Variants in CSMD1 observed in about 807,000 individuals in gnomAD.
The protein encoded by CSMD1 is CUB and sushi domain-containing protein 1.
A neutral mutation model predicts 417.5 loss-of-function variants in CSMD1; 213 were observed. The ratio of observed to expected loss-of-function variants is 0.51; its 90% CI spans 0.46 to 0.57. The LOEUF (loss-of-function observed/expected upper bound fraction) is 0.57, where lower values mean the gene tolerates loss of function less well. Among genes scored for constraint, CSMD1 ranks in the 20% least tolerant of loss-of-function variants. The pLI, the probability that CSMD1 is intolerant of heterozygous loss-of-function variation, is 0.00. For synonymous variants in CSMD1, 2,862 were observed against 1,736.8 expected, an observed-to-expected ratio of 1.65 and a Z score of -16.11; for missense variants, 6,923 against 4,529.7, an observed-to-expected ratio of 1.53 and a Z score of -15.17.
intron 2 of CSMD1, among the ~76,000 whole-genome samples, chr8:4,510,137 A>T (rs1023822568): frequency 2.0e-4 from 31 of 151,908 alleles, no homozygotes; most frequent in African/African-American, 7.3e-4. Context: ...TCTCCTTCAC[A>T]CGCTCCCTTT....
chr8:4,701,363 T>C (rs1020433821), intron 1 of CSMD1, among the ~76,000 whole-genome samples: 1 of 151,978 alleles, frequency 6.6e-6, no homozygotes, highest in Admixed American at 6.6e-5. Flanking sequence ...CTCCTTTGTT[T>C]ATCTTGCCAG....
intron 5 of CSMD1, among the ~76,000 whole-genome samples, chr8:3,775,542 C>G (rs1798848016): frequency 6.6e-6 from 1 of 152,112 alleles, no homozygotes; most frequent in Admixed American, 6.5e-5. Flanking sequence ...GCAGGGAGAA[C>G]TTTTACAAGA....
At chr8:3,924,792 G>C (rs531948171) in intron 5 of CSMD1, among the ~76,000 whole-genome samples, 5 of 151,710 alleles carry the variant, frequency 3.3e-5, no homozygotes, top group Admixed American at 6.6e-5. Flanking sequence ...CTCTCTATTC[G>C]TGTTATCCTG....
chr8:4,541,715 A>G (rs1797396741), intron 2 of CSMD1, among the ~76,000 whole-genome samples: 1 of 152,138 alleles, frequency 6.6e-6, no homozygotes, highest in South Asian at 2.1e-4. Context: ...AGCCTGGGTG[A>G]CAGAGTGAGA....
At chr8:3,396,753 T>A (rs1171444455) in intron 16 of CSMD1, among the ~76,000 whole-genome samples, 1 of 152,128 alleles carries the variant, frequency 6.6e-6, no homozygotes, top group Non-Finnish European at 1.5e-5. Flanking sequence ...TTATATATTT[T>A]TAAACTATTT....
chr8:3,374,655 G>T (rs983641820), intron 18 of CSMD1, among the ~76,000 whole-genome samples: 1 of 152,080 alleles, frequency 6.6e-6, no homozygotes, highest in African/African-American at 2.4e-5. Context: ...ATACAAGGTC[G>T]GAGGAAATGC....
At chr8:4,828,893 C>A (rs776815848) in intron 1 of CSMD1, among the ~76,000 whole-genome samples, 1 of 152,076 alleles carries the variant, frequency 6.6e-6, no homozygotes, top group South Asian at 2.1e-4. Context: ...TCCACATCCT[C>A]GTCCCAGTAC....
intron 2 of CSMD1, among the ~76,000 whole-genome samples, chr8:4,589,029 C>T (rs1799853965): frequency 6.6e-6 from 1 of 151,924 alleles, no homozygotes; most frequent in Non-Finnish European, 1.5e-5. Flanking sequence ...ACAACGTGTA[C>T]TACATGCACA....
intron 5 of CSMD1, among the ~76,000 whole-genome samples, chr8:3,905,829 C>A (rs781672197): frequency 6.6e-6 from 1 of 152,176 alleles, no homozygotes; most frequent in African/African-American, 2.4e-5. Flanking sequence ...ACATCTGGGC[C>A]TGGCATTCTA....
At chr8:4,723,218 C>T (rs138610606) in intron 1 of CSMD1, among the ~76,000 whole-genome samples, 1 of 152,200 alleles carries the variant, frequency 6.6e-6, no homozygotes, top group African/African-American at 2.4e-5. Flanking sequence ...ATAACGTAGA[C>T]GGCTCCTTTT....
At position 4,861,922 on chromosome 8, in the gene CSMD1, A is replaced by G. The variant is rs371018447; in HGVS notation, c.85+132410T>C. ...GAAGAACTTTCCACTTATTATACTTACATTTCAAAACGGGGATGCAACAAA... is the reference window on the plus strand; with the variant it reads ...GAAGAACTTTCCACTTATTATACTTGCATTTCAAAACGGGGATGCAACAAA... On this transcript the variant is annotated intron_variant, in intron 1 of 69. Transcript: ENST00000635120. Among the ~76,000 whole-genome samples, 4 of 152,128 alleles carry G rather than the reference A, an allele frequency of 2.6e-5. No homozygotes were observed. In the South Asian group the frequency reaches 6.2e-4, roughly 24 times the overall value.
intron 3 of CSMD1, among the ~76,000 whole-genome samples, chr8:4,364,308 T>C (rs1801944421): frequency 1.3e-5 from 2 of 152,210 alleles, no homozygotes; most frequent in Admixed American, 1.3e-4. Flanking sequence ...ATTAAGGTCC[T>C]CTTGATAAGA....
At chr8:4,651,543 C>A (rs1430781289) in intron 1 of CSMD1, among the ~76,000 whole-genome samples, 1 of 152,300 alleles carries the variant, frequency 6.6e-6, no homozygotes, top group East Asian at 1.9e-4. Flanking sequence ...TAATCAGAGT[C>A]ATAATTTACT....
chr8:4,062,379 G>C (rs1396031660), intron 3 of CSMD1, among the ~76,000 whole-genome samples: 12 of 151,982 alleles, frequency 7.9e-5, no homozygotes, highest in Non-Finnish European at 1.6e-4. Flanking sequence ...TTTTTCTCAA[G>C]CAATAAGAGG....
chr8:4,270,908 C>T (rs1204323833), intron 3 of CSMD1, among the ~76,000 whole-genome samples: 1 of 152,144 alleles, frequency 6.6e-6, no homozygotes, highest in African/African-American at 2.4e-5. Flanking sequence ...ACTCAAGGTG[C>T]TGATCGCTGT....
intron 2 of CSMD1, among the ~76,000 whole-genome samples, chr8:4,517,592 T>C (rs1392681923): frequency 2.0e-5 from 3 of 152,188 alleles, no homozygotes; most frequent in Non-Finnish European, 4.4e-5. Flanking sequence ...ATACCAAATA[T>C]GTATAATGTA....
chr8:4,022,119 AATAT>A (rs10631129), intron 4 of CSMD1, among the ~76,000 whole-genome samples: 1 of 144,132 alleles, frequency 6.9e-6, no homozygotes, highest in Non-Finnish European at 1.5e-5. Context: ...ATGGATATAG[AATAT>A]ATATATATAC....
intron 3 of CSMD1, among the ~76,000 whole-genome samples, chr8:4,089,990 C>A (rs1348435408): frequency 1.3e-5 from 2 of 152,148 alleles, no homozygotes; most frequent in Non-Finnish European, 2.9e-5. Flanking sequence ...ATAATGGAAA[C>A]CTACTTTCTC....
intron 52 of CSMD1, among the ~76,000 whole-genome samples, chr8:3,011,199 G>A (rs901044738): frequency 1.3e-5 from 2 of 152,048 alleles, no homozygotes; most frequent in African/African-American, 2.4e-5. Flanking sequence ...AAAACCCACC[G>A]CTGAGAAGTT....
Sources: gnomAD v4.1 joint callset for allele counts (sites outside exome capture counted in the v4.1 genomes callset) on GRCh38, gnomAD v4.1.1 for gene constraint, MANE v1.5 for transcripts, NCBI Gene and HGNC (gene_info 2026-07-23, HGNC 2026-07-21) for gene names.